Variants in KIF6 observed in about 807,000 individuals in gnomAD.
The protein encoded by KIF6 is kinesin-like protein KIF6.
In KIF6, 106 loss-of-function variants were observed where a neutral mutation model predicts 112.7. That is an observed-to-expected ratio of 0.94 (90% confidence interval 0.80 to 1.11). KIF6 has a LOEUF of 1.11. KIF6 is among the 50% of genes least tolerant of loss of function. KIF6 has a pLI of 0.00. For synonymous variants in KIF6, 339 were observed against 339.9 expected (o/e 1.00, Z 0.03); for missense variants, 929 against 964.0 (o/e 0.96, Z 0.48).
At chr6:39,417,033 A>C (rs1206954715) in intron 15 of KIF6, among the ~76,000 whole-genome samples, 1 of 151,982 alleles carries the variant, frequency 6.6e-6, no homozygotes, top group Non-Finnish European at 1.5e-5. Context: ...TCACTGAAGG[A>C]CTCCTTGGGG....
intron 6 of KIF6, among the ~76,000 whole-genome samples, chr6:39,608,634 A>G (rs1783025944): frequency 6.6e-6 from 1 of 152,242 alleles, no homozygotes; most frequent in Non-Finnish European, 1.5e-5. Flanking sequence ...GAAATTATTT[A>G]TAAATCCCAT....
chr6:39,535,488 G>A lies in KIF6; in HGVS notation c.1645+4515C>T, dbSNP rs1562296393. ...AGAAGGCCATTACATAATGGTAAAG[G>A]GATCTATTCAACAAGAAGAGCTAAC... On this transcript the variant is annotated intron_variant, in intron 13 of 22. Coordinates refer to ENST00000287152, the MANE Select transcript of KIF6 (RefSeq NM_145027.6). Among the ~76,000 whole-genome samples the A allele has an allele frequency of 2.6e-5, 4 of 152,200 alleles. No individual in the cohort carries two copies. In the South Asian group the frequency reaches 8.3e-4, roughly 32 times the overall value.
At chr6:39,626,448 A>G (rs1784099327) in intron 5 of KIF6, among the ~76,000 whole-genome samples, 1 of 152,100 alleles carries the variant, frequency 6.6e-6, no homozygotes, top group Non-Finnish European at 1.5e-5. Flanking sequence ...CAGCACCCCC[A>G]GCTCTGATGT....
chr6:39,472,706 A>G (rs1461711045), intron 13 of KIF6, among the ~76,000 whole-genome samples: 2 of 152,178 alleles, frequency 1.3e-5, no homozygotes, highest in Non-Finnish European at 2.9e-5. Context: ...GAAAAATAAA[A>G]TACTCCAGGT....
At chr6:39,557,295 T>C (rs1012771918) in intron 10 of KIF6, among the ~76,000 whole-genome samples, 1 of 152,142 alleles carries the variant, frequency 6.6e-6, no homozygotes, top group African/African-American at 2.4e-5. Flanking sequence ...AGCAAGTGTA[T>C]GTAAATTGAA....
chr6:39,371,035 C>G (rs144386375), intron 16 of KIF6, among the ~76,000 whole-genome samples: 1 of 152,056 alleles, frequency 6.6e-6, no homozygotes, highest in Admixed American at 6.5e-5. Context: ...ACAACCAGCT[C>G]TCTGGAAGAA....
At chr6:39,394,133 AGGGTGGAAGTG>A (rs1021869165) in intron 15 of KIF6, among the ~76,000 whole-genome samples, 1 of 152,172 alleles carries the variant, frequency 6.6e-6, no homozygotes, top group Non-Finnish European at 1.5e-5. Flanking sequence ...CAGGTTACTG[AGGGTGGAAGTG>A]GGGTGGAGAG....
chr6:39,720,575 G>A (rs1157141775), intron 2 of KIF6, 127 bp downstream of exon 2: 1 of 605,710 alleles, frequency 1.7e-6, no homozygotes. Context: ...TCTACTAGGT[G>A]AGATGAAGAG....
intron 5 of KIF6, chr6:39,617,698 G>A (rs1176920924): frequency 1.3e-5 from 6 of 454,732 alleles, no homozygotes; most frequent in South Asian, 3.1e-5. Context: ...GATGGCAGAG[G>A]TGCCTTTTAA....
intron 13 of KIF6, among the ~76,000 whole-genome samples, chr6:39,534,667 A>G (rs1360721348): frequency 2.0e-5 from 3 of 152,242 alleles, no homozygotes; most frequent in East Asian, 1.9e-4. Context: ...AACTTCCCCA[A>G]TCGAGCAAGG....
intron 9 of KIF6, among the ~76,000 whole-genome samples, chr6:39,582,874 G>A (rs910139047): frequency 1.4e-4 from 21 of 152,194 alleles, no homozygotes; most frequent in African/African-American, 4.6e-4. Context: ...CCTCAGACAA[G>A]CTCTATACAT....
At chr6:39,339,030 G>A (rs1763181563) in intron 22 of KIF6, among the ~76,000 whole-genome samples, 1 of 152,102 alleles carries the variant, frequency 6.6e-6, no homozygotes, top group Non-Finnish European at 1.5e-5. Flanking sequence ...CTCCTTACAT[G>A]CACAGACCTC....
intron 3 of KIF6, among the ~76,000 whole-genome samples, chr6:39,654,309 C>A (rs1426300580): frequency 6.6e-6 from 1 of 152,174 alleles, no homozygotes. Flanking sequence ...CCCCCACAAA[C>A]AGAAGTTTAT....
At chr6:39,467,933 G>GA (rs1016033582) in intron 13 of KIF6, among the ~76,000 whole-genome samples, 1 of 152,070 alleles carries the variant, frequency 6.6e-6, no homozygotes, top group Non-Finnish European at 1.5e-5. Context: ...TGCTGAAAAT[G>GA]AAAACTAATA....
intron 13 of KIF6, among the ~76,000 whole-genome samples, chr6:39,507,247 G>C (rs532566192): frequency 6.6e-6 from 1 of 152,270 alleles, no homozygotes; most frequent in South Asian, 2.1e-4. Context: ...TGTCAGAATT[G>C]AATTAAATGT....
intron 13 of KIF6, among the ~76,000 whole-genome samples, chr6:39,534,027 A>G (rs2150549793): frequency 6.6e-6 from 1 of 152,338 alleles, no homozygotes; most frequent in Non-Finnish European, 1.5e-5. Flanking sequence ...AAAACTAACA[A>G]ACAGAAAGGA....
chr6:39,468,847 T>G (rs537520544), intron 13 of KIF6, among the ~76,000 whole-genome samples: 1 of 152,212 alleles, frequency 6.6e-6, no homozygotes, highest in East Asian at 1.9e-4. Context: ...TTTTTTAAAC[T>G]GATCTAAAAA....
At chr6:39,363,904 A>T (rs982229225) in intron 16 of KIF6, among the ~76,000 whole-genome samples, 1 of 152,174 alleles carries the variant, frequency 6.6e-6, no homozygotes, top group Non-Finnish European at 1.5e-5. Context: ...TGAGGAGCTC[A>T]CTACTTTGCA....
Position 39,378,423 on chromosome 6 carries a change from T to C in KIF6, c.1861+7199A>G, listed in dbSNP as rs552488946. ...ACTGCACACATACCACATATACACATGCATACAACATATATCCATACCACA... is the reference window on the plus strand; with the variant it reads ...ACTGCACACATACCACATATACACACGCATACAACATATATCCATACCACA... On this transcript the variant is annotated intron_variant, in intron 16 of 22. Transcript: ENST00000287152. The surrounding 1 kb of genome is among the most constrained non-coding windows in gnomAD (Gnocchi z 5.0). Among the ~76,000 whole-genome samples the C allele has an allele frequency of 2.0e-5, 3 of 151,966 alleles. No individual in the cohort carries two copies. Among genetic ancestry groups the C allele is most frequent in the Admixed American group, 2.0e-4 (3 of 15,250 alleles).
Sources: gnomAD v4.1 joint callset for allele counts (sites outside exome capture counted in the v4.1 genomes callset) on GRCh38, gnomAD v4.1.1 for gene constraint, Gnocchi (gnomAD v3.1) non-coding constraint, MANE v1.5 for transcripts, NCBI Gene and HGNC (gene_info 2026-07-23, HGNC 2026-07-21) for gene names.